CACNA2D2: variants seen among roughly 807,000 people sequenced by gnomAD.
CACNA2D2 encodes voltage-dependent calcium channel subunit alpha-2/delta-2.
Under a neutral mutation model 166.4 loss-of-function variants are expected in CACNA2D2, and 48 were observed. The ratio of observed to expected loss-of-function variants is 0.29; its 90% CI spans 0.23 to 0.37. The LOEUF is 0.37. CACNA2D2 is among the 10% of genes least tolerant of loss of function. The pLI, the probability that CACNA2D2 is intolerant of heterozygous loss-of-function variation, is 1.00. For missense variants in CACNA2D2, 1,122 were observed against 1,433.0 expected, an observed-to-expected ratio of 0.78 and a Z score of 3.50; for synonymous variants, 561 against 573.7, an observed-to-expected ratio of 0.98 and a Z score of 0.32.
chr3:50,457,443 T>G (rs1226654837), intron 2 of CACNA2D2, among the ~76,000 whole-genome samples: 1 of 151,768 alleles, frequency 6.6e-6, no homozygotes, highest in African/African-American at 2.4e-5. Flanking sequence ...GGGCTCTGAG[T>G]TTTTCAAAAA....
rs1312005002 is a variant in CACNA2D2, at chr3:50,375,123, G to A, written c.1908-310C>T. 1.3e-5 allele frequency among the ~76,000 whole-genome samples: 2 copies of A among 152,214 alleles called. No homozygotes were observed. The highest frequency in any genetic ancestry group is 6.5e-5 in the Admixed American group (1 of 15,288). On this transcript the variant is annotated intron_variant, in intron 21 of 37. Transcript: ENST00000424201. This position sits in a 1 kb window ranked among gnomAD's most constrained non-coding sequence, Gnocchi z 4.0. ...CAGCCAACCTCCCTCTGACCCACAA[G>A]GGGCAGACGCTGCCGTGAGCTGGCT...
chr3:50,425,662 T>C (rs528074768), intron 3 of CACNA2D2, among the ~76,000 whole-genome samples: 4 of 152,344 alleles, frequency 2.6e-5, no homozygotes, highest in African/African-American at 9.6e-5. Flanking sequence ...CTGTGGCACC[T>C]GCAGGCCCTT....
chr3:50,395,417 CT>C (rs1297300815), intron 3 of CACNA2D2, among the ~76,000 whole-genome samples: 1 of 152,194 alleles, frequency 6.6e-6, no homozygotes, highest in Non-Finnish European at 1.5e-5. Flanking sequence ...GGACCAGCCT[CT>C]GTTGGGCCCA....
intron 17 of CACNA2D2, among the ~76,000 whole-genome samples, chr3:50,377,118 T>C (rs866710269): frequency 2.6e-5 from 4 of 152,250 alleles, no homozygotes; most frequent in Non-Finnish European, 2.9e-5. Flanking sequence ...GTGAAAATTA[T>C]CTGAAATTCA....
In CACNA2D2 at chr3:50,366,166, G is replaced by A. The variant is rs1167958936; in HGVS notation, c.2710-3C>T. 3 of 1,613,980 alleles carry A rather than the reference G, an allele frequency of 1.9e-6. No homozygotes were observed. The South Asian group carries it at 3.3e-5, about 18-fold the overall frequency. ...ACCTCACTGAAGAACCTGCCCACCT[G>A]AGGATGTCAGGAGAAAGCCATGGTC... On this transcript the variant is annotated splice_polypyrimidine_tract_variant and splice_region_variant and intron_variant, in intron 31 of 37. Coordinates refer to ENST00000424201, the MANE Select transcript of CACNA2D2 (RefSeq NM_006030.4). This position sits in a 1 kb window ranked among gnomAD's most constrained non-coding sequence, Gnocchi z 5.9.
At chr3:50,466,183 A>G (rs941294213) in intron 2 of CACNA2D2, among the ~76,000 whole-genome samples, 7 of 152,136 alleles carry the variant, frequency 4.6e-5, no homozygotes, top group African/African-American at 1.7e-4. Flanking sequence ...ACCACCTGGC[A>G]GCCTGCCCCC....
In CACNA2D2 at chr3:50,364,871, C is replaced by T; in HGVS notation, c.3291+17G>A. On this transcript the variant is annotated intron_variant, in intron 37 of 37. Transcript: ENST00000424201. ...GCAAGGCCGCGGGATTTCGGGTCCA[C>T]CGCCCCCTCTCCTCACTGTCGCGTT... The T allele has an allele frequency of 1.2e-6, 2 of 1,613,370 alleles. No individual in the cohort carries two copies. The highest frequency in any genetic ancestry group is 1.7e-6 in the Non-Finnish European group (2 of 1,179,914).
At chr3:50,440,426 G>C (rs1708534120) in intron 2 of CACNA2D2, among the ~76,000 whole-genome samples, 1 of 152,290 alleles carries the variant, frequency 6.6e-6, no homozygotes, top group South Asian at 2.1e-4. Flanking sequence ...CACCATCCCA[G>C]GCGGGGTGGC....
chr3:50,481,056 T>C (rs1385623301), intron 1 of CACNA2D2, among the ~76,000 whole-genome samples: 3 of 149,034 alleles, frequency 2.0e-5, no homozygotes, highest in South Asian at 2.2e-4. Flanking sequence ...TGTGATTTAA[T>C]TGTACAGTAT....
At chr3:50,424,797 C>T (rs1315597611) in intron 3 of CACNA2D2, among the ~76,000 whole-genome samples, 1 of 152,174 alleles carries the variant, frequency 6.6e-6, no homozygotes, top group Non-Finnish European at 1.5e-5. Flanking sequence ...GGAGTCTCTT[C>T]CAGGAAAACC....
In CACNA2D2 at chr3:50,476,014, A is replaced by G. The variant is rs566188392; in HGVS notation, c.288+104T>C. 145 of 994,960 alleles carry G rather than the reference A, an allele frequency of 1.5e-4. 4 individuals carry two copies. In the South Asian group the frequency reaches 1.9e-3, roughly 13 times the overall value. 61.6% of individuals were successfully genotyped at this position (994,960 alleles called of 1,614,324 possible). A position where few individuals can be genotyped will look rare whatever the true frequency, so the allele number is the denominator to read the frequency against. ...CGGGCCCATCAGGTCCCACCACACC[A>G]GGACCTCCATTAAACCAAATCTTCC... On this transcript the variant is annotated intron_variant, in intron 2 of 37. Coordinates refer to ENST00000424201, the MANE Select transcript of CACNA2D2 (RefSeq NM_006030.4).
intron 2 of CACNA2D2, 60 bp from the exon 3 acceptor site, chr3:50,434,489 C>A: frequency 1.8e-6 from 2 of 1,130,730 alleles, no homozygotes; most frequent in Non-Finnish European, 2.7e-6. Context: ...ATGCCATGGG[C>A]CCTGCATACC....
chr3:50,462,656 G>A (rs944740951), intron 2 of CACNA2D2, among the ~76,000 whole-genome samples: 12 of 151,658 alleles, frequency 7.9e-5, no homozygotes, highest in African/African-American at 2.7e-4. Context: ...GGATGCCCAC[G>A]GATAATGCCT....
chr3:50,498,134 G>C (rs1167678807), intron 1 of CACNA2D2, among the ~76,000 whole-genome samples: 1 of 152,124 alleles, frequency 6.6e-6, no homozygotes, highest in East Asian at 1.9e-4. Context: ...GGGGAAGAGA[G>C]AGAAAGACCA....
At chr3:50,487,889 T>C (rs1161530438) in intron 1 of CACNA2D2, among the ~76,000 whole-genome samples, 3 of 152,120 alleles carry the variant, frequency 2.0e-5, no homozygotes, top group South Asian at 4.1e-4. Flanking sequence ...ACCATGTACC[T>C]ACTATGGGCA....
intron 3 of CACNA2D2, among the ~76,000 whole-genome samples, chr3:50,399,012 G>C (rs1706300473): frequency 6.6e-6 from 1 of 152,200 alleles, no homozygotes; most frequent in South Asian, 2.1e-4. Flanking sequence ...AAGAACCTGA[G>C]ATCAGGGACC....
Position 50,365,227 on chromosome 3 carries a change from C to T in CACNA2D2, c.3099-43G>A. 1 of 1,569,368 alleles carries T rather than the reference C, an allele frequency of 6.4e-7. No individual in the cohort carries two copies. Among genetic ancestry groups the T allele is most frequent in the Non-Finnish European group, 8.7e-7 (1 of 1,146,406 alleles). The stretch of plus-strand genomic sequence containing the variant: ...AGGCGGGGCGTTGAGTTTGCCCCGC[C>T]CTGACCCACCCCCATCCTGCGGCCC... On this transcript the variant is annotated intron_variant, in intron 35 of 37. Coordinates refer to ENST00000424201, the MANE Select transcript of CACNA2D2 (RefSeq NM_006030.4). This position sits in a 1 kb window ranked among gnomAD's most constrained non-coding sequence, Gnocchi z 4.5.
chr3:50,472,300 C>T lies in CACNA2D2; in HGVS notation c.288+3818G>A, dbSNP rs533056605. Among the ~76,000 whole-genome samples the T allele has an allele frequency of 2.6e-5, 4 of 152,320 alleles. No homozygotes were observed. In the East Asian group the frequency reaches 5.8e-4, roughly 22 times the overall value. On this transcript the variant is annotated intron_variant, in intron 2 of 37. Coordinates refer to ENST00000424201, the MANE Select transcript of CACNA2D2 (RefSeq NM_006030.4). ...AAGGCAGGCAGGACATGGGTCACGC[C>T]GTATGCCATTTCTGCCCTGACCAGC... is the stretch of plus-strand genomic sequence containing the variant.
At chr3:50,432,902 G>A (rs570018612) in intron 3 of CACNA2D2, among the ~76,000 whole-genome samples, 1 of 152,386 alleles carries the variant, frequency 6.6e-6, no homozygotes, top group East Asian at 1.9e-4. Flanking sequence ...GGATATGGCA[G>A]GGTGTAGGCT....
Sources: allele counts gnomAD v4.1 joint callset (sites outside exome capture counted in the v4.1 genomes callset), GRCh38; gene constraint gnomAD v4.1.1; non-coding constraint Gnocchi (gnomAD v3.1); transcripts MANE v1.5; gene names NCBI Gene and HGNC (gene_info 2026-07-23, HGNC 2026-07-21).